Variants in CNTN4 observed in about 807,000 individuals in gnomAD.
CNTN4 encodes contactin-4.
CNTN4 carries 77 observed loss-of-function variants against 122.5 expected under a neutral mutation model. The observed-to-expected ratio is 0.63, with a 90% CI of 0.52 to 0.76. The LOEUF (loss-of-function observed/expected upper bound fraction) is 0.76, where lower values mean the gene tolerates loss of function less well. Among genes scored for constraint, CNTN4 ranks in the 30% least tolerant of loss-of-function variants. CNTN4 has a pLI of 0.00. For missense variants in CNTN4, 1,256 were observed against 1,259.1 expected, an observed-to-expected ratio of 1.00 and a Z score of 0.04; for synonymous variants, 512 against 447.0, an observed-to-expected ratio of 1.15 and a Z score of -1.83.
intron 7 of CNTN4, among the ~76,000 whole-genome samples, chr3:2,834,933 C>G (rs1289044144): frequency 2.3e-4 from 12 of 51,836 alleles, no homozygotes; most frequent in African/African-American, 9.8e-4. Context: ...GAGACTGAGT[C>G]TCTCTCTGTC....
At position 2,817,649 on chromosome 3, in the gene CNTN4, A is replaced by G. The variant is rs183173892; in HGVS notation, c.359-1837A>G. ...TCTTAATACTATTTCTCTAATCAGA[A>G]ACCATGATTGGTTTTACCTAGATGA... On this transcript the variant is annotated intron_variant, in intron 6 of 24. Coordinates refer to ENST00000418658, the MANE Select transcript of CNTN4 (RefSeq NM_175607.3). 1.6e-4 allele frequency among the ~76,000 whole-genome samples: 25 copies of G among 152,230 alleles called. No individual in the cohort carries two copies. In the East Asian group the frequency reaches 4.8e-3, roughly 29 times the overall value.
rs1233512416 is a variant in CNTN4 at position 2,925,730 on chromosome 3, C to G, written c.1309C>G (p.Pro437Ala). Residue 437 changes from proline (P) to alanine (A), a missense_variant, in exon 13 of 25, where the codon CCT becomes GCT. Transcript: ENST00000418658. ...GTGTAAGCCAAAAGCGTCTCCAAAA[C>G]CTGTTTACACCTGGAAGAAAGGAAG... Reference protein sequence around the residue: ...IECKPKASPKPVYTWKKGRDI... With the variant: ...IECKPKASPKAVYTWKKGRDI... 1 of 1,613,626 alleles carries G rather than the reference C, an allele frequency of 6.2e-7. No homozygotes were observed. Among genetic ancestry groups the G allele is most frequent in the African/African-American group, 1.3e-5 (1 of 74,854 alleles).
chr3:2,276,201 C>G (rs1450082738), intron 2 of CNTN4, among the ~76,000 whole-genome samples: 1 of 151,606 alleles, frequency 6.6e-6, no homozygotes, highest in Non-Finnish European at 1.5e-5. Context: ...GAGACAGAGT[C>G]TCACTCTGCT....
chr3:2,138,240 G>T (rs558771449), intron 2 of CNTN4, among the ~76,000 whole-genome samples: 61 of 151,906 alleles, frequency 4.0e-4, no homozygotes, highest in African/African-American at 1.4e-3. Context: ...TAATTTTTGT[G>T]TTTTTTTACT....
At chr3:2,683,007 G>A (rs1310817851) in intron 4 of CNTN4, among the ~76,000 whole-genome samples, 1 of 152,122 alleles carries the variant, frequency 6.6e-6, no homozygotes. Context: ...CCATCATTCA[G>A]AGTGATTGAG....
chr3:2,443,634 A>T (rs2048516677), intron 3 of CNTN4, among the ~76,000 whole-genome samples: 1 of 152,104 alleles, frequency 6.6e-6, no homozygotes, highest in African/African-American at 2.4e-5. Context: ...GTCATATATG[A>T]CTGAGCTCAA....
At chr3:2,804,059 A>ATATATG (rs1491186560) in intron 6 of CNTN4, among the ~76,000 whole-genome samples, 7 of 74,780 alleles carry the variant, frequency 9.4e-5, no homozygotes, top group African/African-American at 3.5e-4. Flanking sequence ...ATATATATAT[A>ATATATG]TGTCTGCACA....
intron 2 of CNTN4, among the ~76,000 whole-genome samples, chr3:2,171,592 A>G (rs1310108393): frequency 6.6e-6 from 1 of 152,206 alleles, no homozygotes; most frequent in East Asian, 1.9e-4. Flanking sequence ...GTGGGACATT[A>G]TCGTCTATAT....
At chr3:2,394,655 G>C (rs182942317) in intron 3 of CNTN4, among the ~76,000 whole-genome samples, 2 of 152,228 alleles carry the variant, frequency 1.3e-5, no homozygotes, top group African/African-American at 4.8e-5. Context: ...CTTTGGAAAA[G>C]GGTTTGACAG....
intron 2 of CNTN4, among the ~76,000 whole-genome samples, chr3:2,209,398 A>T (rs994885807): frequency 6.6e-6 from 1 of 152,324 alleles, no homozygotes; most frequent in East Asian, 1.9e-4. Flanking sequence ...TCAAGTAGCT[A>T]TCCTCTCCCA....
chr3:2,639,388 A>G (rs2082805329), intron 4 of CNTN4, among the ~76,000 whole-genome samples: 1 of 152,034 alleles, frequency 6.6e-6, no homozygotes, highest in African/African-American at 2.4e-5. Context: ...TGCTTGCCCA[A>G]CTCCATCTCT....
At chr3:2,425,846 ACT>A (rs2047808105) in intron 3 of CNTN4, among the ~76,000 whole-genome samples, 1 of 152,134 alleles carries the variant, frequency 6.6e-6, no homozygotes, top group Non-Finnish European at 1.5e-5. Flanking sequence ...ATGGGAGTTC[ACT>A]CATGATTTGG....
chr3:2,598,152 C>T (rs2080860403), intron 4 of CNTN4, among the ~76,000 whole-genome samples: 1 of 152,118 alleles, frequency 6.6e-6, no homozygotes, highest in Non-Finnish European at 1.5e-5. Flanking sequence ...TTCCGACTTC[C>T]TTTAGTGACC....
chr3:2,930,362 A>G (rs1452394589), intron 13 of CNTN4, among the ~76,000 whole-genome samples: 1 of 151,880 alleles, frequency 6.6e-6, no homozygotes, highest in East Asian at 1.9e-4. Context: ...TAAGGCAAGC[A>G]AGTGAATGAT....
intron 3 of CNTN4, among the ~76,000 whole-genome samples, chr3:2,490,509 A>G (rs1339146286): frequency 1.4e-5 from 2 of 139,678 alleles, no homozygotes; most frequent in East Asian, 2.2e-4. Flanking sequence ...TAATTTTACA[A>G]AGAGTAAAGT....
chr3:3,041,454 A>G (rs1476771995), intron 20 of CNTN4, among the ~76,000 whole-genome samples: 1 of 152,250 alleles, frequency 6.6e-6, no homozygotes, highest in Non-Finnish European at 1.5e-5. Context: ...TGACTTGACT[A>G]AGATTCAAGA....
intron 12 of CNTN4, among the ~76,000 whole-genome samples, chr3:2,906,966 TC>T (rs1486306451): frequency 7.2e-5 from 11 of 152,154 alleles, no homozygotes; most frequent in Admixed American, 7.2e-4. Context: ...CATTTTCCCT[TC>T]CAAAAATTCC....
At chr3:2,777,090 C>G (rs1252643078) in intron 6 of CNTN4, among the ~76,000 whole-genome samples, 1 of 152,172 alleles carries the variant, frequency 6.6e-6, no homozygotes, top group Non-Finnish European at 1.5e-5. Context: ...AGGCAATTCT[C>G]CTGCCTTAGC....
chr3:2,675,059 G>A (rs2600274), intron 4 of CNTN4, among the ~76,000 whole-genome samples: 39,535 of 151,900 alleles, frequency 0.26, 6,302 homozygotes, highest in African/African-American at 0.45. Flanking sequence ...ATGGAATTAT[G>A]TGAAGTAAAA....
Sources: gnomAD v4.1 joint callset for allele counts (sites outside exome capture counted in the v4.1 genomes callset) on GRCh38, gnomAD v4.1.1 for gene constraint, MANE v1.5 for transcripts, NCBI Gene and HGNC (gene_info 2026-07-23, HGNC 2026-07-21) for gene names.